The following MMP28 variants were observed in gnomAD, a reference collection of about 807,000 sequenced individuals.
MMP28 encodes the protein matrix metalloproteinase-28.
In MMP28, 55 loss-of-function variants were observed where a neutral mutation model predicts 60.5. The observed-to-expected ratio is 0.91, with a 90% CI of 0.73 to 1.14. The LOEUF (loss-of-function observed/expected upper bound fraction) is 1.14. Among genes scored for constraint, MMP28 ranks in the 50% most tolerant of loss-of-function variants. The pLI is 0.00. For synonymous variants in MMP28, 318 were observed against 312.5 expected (o/e 1.02, Z -0.18); for missense variants, 686 against 738.3 (o/e 0.93, Z 0.82).
chr17:35,767,919 T>C lies in MMP28; in HGVS notation c.1001A>G (p.Asp334Gly), dbSNP rs752969197. ...AAAAATGTACAGTTGCTGTTGCCTG[T>C]CTGCCCAGAGACAAGAGAGAGTTGA... ...CHSSFDAITV[D>G]RQQQLYIFKG... Residue 334 changes from aspartate (D) to glycine (G), a missense_variant and splice_region_variant, in exon 7 of 8, where the codon GAC becomes GGC. Physicochemically the swap from Asp to Gly is moderately conservative, Grantham distance 94. Coordinates refer to ENST00000605424, the MANE Select transcript of MMP28 (RefSeq NM_024302.5). 2 of 1,577,038 alleles carry C rather than the reference T, an allele frequency of 1.3e-6. No individual in the cohort carries two copies. Among genetic ancestry groups the C allele is most frequent in the East Asian group, 2.2e-5 (1 of 44,604 alleles).
chr17:35,762,737 C>T (rs1376976581), downstream of MMP28, among the ~76,000 whole-genome samples: 3 of 152,116 alleles, frequency 2.0e-5, no homozygotes, highest in African/African-American at 7.2e-5. Flanking sequence ...CCCACCCCAC[C>T]AGCGGAGATG....
intron 1 of MMP28, among the ~76,000 whole-genome samples, chr17:35,787,437 T>C (rs548353991): frequency 3.9e-5 from 6 of 152,316 alleles, no homozygotes; most frequent in African/African-American, 1.4e-4. Context: ...TCCCTCTGCC[T>C]GACTCCCTTT....
chr17:35,776,662 G>A (rs779270887), intron 3 of MMP28, among the ~76,000 whole-genome samples: 6 of 152,092 alleles, frequency 3.9e-5, no homozygotes, highest in African/African-American at 4.8e-5. Flanking sequence ...CGAGGTGGGC[G>A]ATCACCTAAG....
intron 3 of MMP28, among the ~76,000 whole-genome samples, chr17:35,776,694 C>T (rs1474656168): frequency 4.6e-5 from 7 of 151,636 alleles, no homozygotes; most frequent in Admixed American, 2.6e-4. Flanking sequence ...GAGACCAGCC[C>T]GGACAACATG....
Position 35,795,430 on chromosome 17 carries a change from A to C in MMP28, c.-53T>G. 1.5e-6 allele frequency: 2 copies of C among 1,307,520 alleles called. No homozygotes were observed. The highest frequency in any genetic ancestry group is 2.8e-4 in the Middle Eastern group (1 of 3,604). The allele number at this position is 1,307,520 out of a possible 1,614,324, so 81.0% of individuals were successfully genotyped here. A position where few individuals can be genotyped will look rare whatever the true frequency, so the allele number is the denominator to read the frequency against. ...GGGGAGCTACTGCGCGCAGGGAACC[A>C]GCCGGCAGTCAGCCGCGCCCGGGAC... On this transcript the variant is annotated 5_prime_UTR_variant, in exon 1 of 8. Transcript: ENST00000605424.
At chr17:35,788,751 A>G (rs2086727204) in intron 1 of MMP28, among the ~76,000 whole-genome samples, 1 of 152,116 alleles carries the variant, frequency 6.6e-6, no homozygotes, top group South Asian at 2.1e-4. Context: ...ATACAGATAT[A>G]GCTAGACCAC....
chr17:35,778,281 G>A (rs762398439), intron 3 of MMP28, among the ~76,000 whole-genome samples: 6 of 152,128 alleles, frequency 3.9e-5, no homozygotes, highest in Admixed American at 6.5e-5. Context: ...TGGATTAGCG[G>A]TTGCCAGAGG....
chr17:35,757,130 G>A (rs2085748608), intron 2 of MMP28: 1 of 151,778 alleles, frequency 6.6e-6, no homozygotes. Flanking sequence ...CAGCCTGGGT[G>A]ACAGAGGGAG....
chr17:35,793,388 C>T lies in MMP28; in HGVS notation c.111+1879G>A, dbSNP rs189181505. Among the ~76,000 whole-genome samples, 77 of 152,262 alleles carry T rather than the reference C, an allele frequency of 5.1e-4. 1 individual carries two copies. Among genetic ancestry groups the T allele is most frequent in the African/African-American group, 1.6e-3 (68 of 41,558 alleles). On this transcript the variant is annotated intron_variant, in intron 1 of 7. Transcript: ENST00000605424. Reference sequence around the variant, plus strand: ...GGGTGGGACTCTTAACAAGACTTGGCTTGGCAGACAGAAGCCTTCTCCTGG... The same window carrying T: ...GGGTGGGACTCTTAACAAGACTTGGTTTGGCAGACAGAAGCCTTCTCCTGG...
intron 2 of MMP28, among the ~76,000 whole-genome samples, chr17:35,759,223 T>C (rs782223325): frequency 2.0e-5 from 3 of 152,210 alleles, no homozygotes; most frequent in Admixed American, 6.5e-5. Flanking sequence ...TGGCTTTCAG[T>C]AAGTTTAAAG....
At chr17:35,779,775 G>T (rs559866995) in intron 1 of MMP28, among the ~76,000 whole-genome samples, 194 of 152,156 alleles carry the variant, frequency 1.3e-3, no homozygotes, top group African/African-American at 4.1e-3. Flanking sequence ...GGGTTTTTTT[G>T]TGTGTGTGAG....
At chr17:35,787,899 C>CTTTTTTTTTTT (rs532350874) in intron 1 of MMP28, among the ~76,000 whole-genome samples, 1 of 104,414 alleles carries the variant, frequency 9.6e-6, no homozygotes. Context: ...TTTTCTTTCC[C>CTTTTTTTTTTT]TTTTTTTTTT....
downstream of MMP28, chr17:35,764,708 C>G (rs587643838): frequency 1.0e-4 from 139 of 1,377,774 alleles, no homozygotes; most frequent in East Asian, 3.6e-3. Flanking sequence ...GAGCCCTCTT[C>G]GACGCATTCC....
chr17:35,794,742 T>C (rs2086916006), intron 1 of MMP28, among the ~76,000 whole-genome samples: 1 of 152,166 alleles, frequency 6.6e-6, no homozygotes, highest in Non-Finnish European at 1.5e-5. Flanking sequence ...AAGCAACTCT[T>C]GAGAGTATAC....
chr17:35,770,668 A>G (rs2086104157), intron 4 of MMP28, among the ~76,000 whole-genome samples: 2 of 152,040 alleles, frequency 1.3e-5, no homozygotes, highest in African/African-American at 2.4e-5. Context: ...GCAAATGGGA[A>G]TGATGATGGT....
At chr17:35,760,991 A>C, downstream of MMP28, 1 of 1,602,292 alleles carries the variant, frequency 6.2e-7, no homozygotes, top group South Asian at 1.1e-5. Flanking sequence ...GCTGGAGGAC[A>C]GGACCTCTTG....
At chr17:35,764,558 G>A (rs2085897096), downstream of MMP28, 1 of 1,596,006 alleles carries the variant, frequency 6.3e-7, no homozygotes, top group Non-Finnish European at 8.5e-7. Context: ...CAGCCTATGT[G>A]GCGCACTGCG....
chr17:35,773,305 T>C lies in MMP28; in HGVS notation c.479A>G (p.Gln160Arg), dbSNP rs1299556556. Residue 160 changes from glutamine to arginine, a missense_variant, in exon 4 of 8, where the codon CAG becomes CGG. Coordinates refer to ENST00000605424, the MANE Select transcript of MMP28 (RefSeq NM_024302.5). ...AVRGAVRAAFQLWSNVSALEF... is the reference protein window; with the variant it reads ...AVRGAVRAAFRLWSNVSALEF... ...CAGCGCTGAGACGTTGCTCCACAAC[T>C]GGAAGGCGGCGCGCACGGCGCCCCG... 9.3e-6 allele frequency: 15 copies of C among 1,613,796 alleles called. No homozygotes were observed. The highest frequency in any genetic ancestry group is 1.2e-5 in the Non-Finnish European group (14 of 1,179,838).
downstream of MMP28, chr17:35,764,466 C>A: frequency 6.4e-7 from 1 of 1,559,962 alleles, no homozygotes; most frequent in East Asian, 2.4e-5. Context: ...GCTGGAGATC[C>A]GGCGACGACC....
Sources: allele counts gnomAD v4.1 joint callset (sites outside exome capture counted in the v4.1 genomes callset), GRCh38; gene constraint gnomAD v4.1.1; transcripts MANE v1.5; gene names NCBI Gene and HGNC (gene_info 2026-07-23, HGNC 2026-07-21).